Variants in GRIA2 observed in about 807,000 individuals in gnomAD.
The protein encoded by GRIA2 is glutamate receptor 2.
In GRIA2, 14 loss-of-function variants were observed where a neutral mutation model predicts 97.3. That is an observed-to-expected ratio of 0.14 (90% CI 0.10 to 0.23). GRIA2 has a LOEUF of 0.23. GRIA2 is among the 10% of genes least tolerant of loss of function. The pLI is 1.00. For synonymous variants in GRIA2, 412 were observed against 387.8 expected, an observed-to-expected ratio of 1.06 and a Z score of -0.73; for missense variants, 558 against 1,069.8, an observed-to-expected ratio of 0.52 and a Z score of 6.67.
intron 2 of GRIA2, among the ~76,000 whole-genome samples, chr4:157,245,368 A>G (rs1730687892): frequency 1.3e-5 from 2 of 152,050 alleles, no homozygotes; most frequent in South Asian, 2.1e-4. Flanking sequence ...CTTTCTCTAT[A>G]TTCTAGTGAT....
chr4:157,294,595 T>G (rs1006352311), intron 2 of GRIA2, among the ~76,000 whole-genome samples: 13 of 152,192 alleles, frequency 8.5e-5, no homozygotes, highest in African/African-American at 3.1e-4. Flanking sequence ...CCTTGAAATT[T>G]ATTGTATCTC....
intron 12 of GRIA2, among the ~76,000 whole-genome samples, chr4:157,357,440 T>C (rs1331496231): frequency 6.6e-6 from 1 of 152,126 alleles, no homozygotes; most frequent in Non-Finnish European, 1.5e-5. Flanking sequence ...AGCCAAATGA[T>C]TTAGCTGAGG....
chr4:157,332,327 A>G (rs1466995468), intron 6 of GRIA2, among the ~76,000 whole-genome samples: 1 of 151,974 alleles, frequency 6.6e-6, no homozygotes, highest in Non-Finnish European at 1.5e-5. Context: ...CTAAGTAGAC[A>G]CCCCTAAAAC....
chr4:157,332,803 G>T lies in GRIA2; in HGVS notation c.883-16G>T. ...ATTTTCTCCCGTTCTTATGAAATGT[G>T]TGTGATCCTTTGCAGTATACTTCTG... is the stretch of plus-strand genomic sequence containing the variant. On this transcript the variant is annotated splice_polypyrimidine_tract_variant and intron_variant, in intron 6 of 15. Coordinates refer to ENST00000264426, the MANE Select transcript of GRIA2 (RefSeq NM_001083619.3). 1.2e-6 allele frequency: 2 copies of T among 1,601,386 alleles called. No individual in the cohort carries two copies. The highest frequency in any genetic ancestry group is 1.7e-6 in the Non-Finnish European group (2 of 1,171,724).
chr4:157,353,446 G>A (rs372747543), intron 12 of GRIA2, among the ~76,000 whole-genome samples: 15 of 152,106 alleles, frequency 9.9e-5, no homozygotes, highest in Admixed American at 2.0e-4. Context: ...CAAGGTGGGC[G>A]GACAACGAGG....
At chr4:157,297,528 C>T (rs1017674474) in intron 2 of GRIA2, among the ~76,000 whole-genome samples, 6 of 152,030 alleles carry the variant, frequency 3.9e-5, no homozygotes, top group East Asian at 3.9e-4. Flanking sequence ...ATATTTTTAT[C>T]GTTTTTTACA....
intron 2 of GRIA2, among the ~76,000 whole-genome samples, chr4:157,253,862 C>T (rs1731123507): frequency 6.6e-6 from 1 of 151,996 alleles, no homozygotes; most frequent in Admixed American, 6.6e-5. Flanking sequence ...CAAAATTTAT[C>T]TTATGCTAAT....
chr4:157,221,453 T>C (rs115597776), intron 1 of GRIA2: 15,083 of 590,438 alleles, frequency 0.026, 278 homozygotes, highest in Non-Finnish European at 0.036. Context: ...TGAAGGTTTC[T>C]GGCCGCCTAC....
At chr4:157,355,487 C>T (rs1736209905) in intron 12 of GRIA2, among the ~76,000 whole-genome samples, 1 of 147,654 alleles carries the variant, frequency 6.8e-6, no homozygotes, top group African/African-American at 2.5e-5. Context: ...GAGATCATGC[C>T]ATTGCACTCC....
In GRIA2 at chr4:157,361,457, C is replaced by A; in HGVS notation, c.2406+333C>A. ...GGCGCATCAATGACTATCGCTCTTA[C>A]AAAGCTCTTGAATCAGTATTATGTA... On this transcript the variant is annotated intron_variant, in intron 14 of 15. Transcript: ENST00000264426. The surrounding 1 kb of genome is among the most constrained non-coding windows in gnomAD (Gnocchi z 5.2). 9.0e-7 allele frequency: 1 copy of A among 1,107,636 alleles called. No homozygotes were observed. Among genetic ancestry groups the A allele is most frequent in the Non-Finnish European group, 1.3e-6 (1 of 741,056 alleles). 68.6% of individuals were successfully genotyped at this position (1,107,636 alleles called of 1,614,324 possible).
At chr4:157,359,668 T>A (rs984180346) in intron 12 of GRIA2, among the ~76,000 whole-genome samples, 2 of 152,156 alleles carry the variant, frequency 1.3e-5, no homozygotes, top group African/African-American at 2.4e-5. Context: ...AGTATTTTGT[T>A]TACCATAGTA....
At position 157,363,432 on chromosome 4, in the gene GRIA2, A is replaced by C; in HGVS notation, c.*4-3A>C. 1 of 1,244,668 alleles carries C rather than the reference A, an allele frequency of 8.0e-7. No homozygotes were observed. The highest frequency in any genetic ancestry group is 1.0e-6 in the Non-Finnish European group (1 of 992,742). The allele number at this position is 1,244,668 out of a possible 1,614,324, so 77.1% of individuals were successfully genotyped here. ...TCTTTCTTTCCCTCCTCTCTCATTT[A>C]AGATGACCTTGAATGATGCCATGAG... On this transcript the variant is annotated splice_polypyrimidine_tract_variant and splice_region_variant and intron_variant, in intron 15 of 15. Coordinates refer to ENST00000264426, the MANE Select transcript of GRIA2 (RefSeq NM_001083619.3).
rs528313180 is a variant in GRIA2 at position 157,321,591 on chromosome 4, A to G, written c.874A>G (p.Thr292Ala). 1 of 1,605,724 alleles carries G rather than the reference A, an allele frequency of 6.2e-7. No individual in the cohort carries two copies. The highest frequency in any genetic ancestry group is 1.7e-5 in the Admixed American group (1 of 58,888). Residue 292 changes from threonine to alanine, a missense_variant, in exon 6 of 16, where the codon ACA becomes GCA. By Grantham distance (58) the Thr-to-Ala change is moderately conservative (BLOSUM62 0). Coordinates refer to ENST00000264426, the MANE Select transcript of GRIA2 (RefSeq NM_001083619.3). ...AGAATACCCTGGAGCTCACACAACA[A>G]CAATTAAGGTTTGCTTTGGTTTCTG... ...EKEYPGAHTT[T>A]IKYTSALTYD...
At chr4:157,239,608 T>C (rs1012430624) in intron 2 of GRIA2, among the ~76,000 whole-genome samples, 1 of 152,020 alleles carries the variant, frequency 6.6e-6, no homozygotes, top group African/African-American at 2.4e-5. Context: ...TTTCAACTTC[T>C]TACTTTATGA....
At chr4:157,336,124 T>C (rs1735273944) in intron 10 of GRIA2, among the ~76,000 whole-genome samples, 1 of 152,056 alleles carries the variant, frequency 6.6e-6, no homozygotes, top group Non-Finnish European at 1.5e-5. Flanking sequence ...GTCAAAAGGC[T>C]GCAAATGCAT....
At chr4:157,284,196 G>A (rs2126820426) in intron 2 of GRIA2, among the ~76,000 whole-genome samples, 1 of 151,836 alleles carries the variant, frequency 6.6e-6, no homozygotes, top group Non-Finnish European at 1.5e-5. Flanking sequence ...TGTGTGAGAG[G>A]GGGAACTGGG....
At chr4:157,246,809 T>C (rs980565901) in intron 2 of GRIA2, among the ~76,000 whole-genome samples, 2 of 152,096 alleles carry the variant, frequency 1.3e-5, no homozygotes, top group African/African-American at 4.8e-5. Context: ...CTGTTTTTGG[T>C]TTTCGATCTT....
rs2127000767 is a variant in GRIA2, at chr4:157,361,026, G to A, written c.2308G>A (p.Ala770Thr). ...CGTTTCAAGAAATGCGGTTAACCTC[G>A]CAGTACTAAAACTGAATGAACAAGG... ...GSSLRNAVNLAVLKLNEQGLL... is the reference protein window; with the variant it reads ...GSSLRNAVNLTVLKLNEQGLL... Residue 770 changes from alanine (A) to threonine (T), a missense_variant, in exon 14 of 16, where the codon GCA becomes ACA. By Grantham distance (58) the Ala-to-Thr change is moderately conservative (BLOSUM62 0). Coordinates refer to ENST00000264426, the MANE Select transcript of GRIA2 (RefSeq NM_001083619.3). This position sits in a 1 kb window ranked among gnomAD's most constrained non-coding sequence, Gnocchi z 5.2. 1 of 1,610,990 alleles carries A rather than the reference G, an allele frequency of 6.2e-7. No individual in the cohort carries two copies. The highest frequency in any genetic ancestry group is 8.5e-7 in the Non-Finnish European group (1 of 1,177,312).
intron 2 of GRIA2, among the ~76,000 whole-genome samples, chr4:157,284,966 G>T (rs986888340): frequency 6.6e-6 from 1 of 151,672 alleles, no homozygotes; most frequent in East Asian, 1.9e-4. Context: ...ATTATTGCTG[G>T]TGTGTACTTC....
Sources: gnomAD v4.1 joint callset for allele counts (sites outside exome capture counted in the v4.1 genomes callset) on GRCh38, gnomAD v4.1.1 for gene constraint, Gnocchi (gnomAD v3.1) non-coding constraint, MANE v1.5 for transcripts, NCBI Gene and HGNC (gene_info 2026-07-23, HGNC 2026-07-21) for gene names.